The following RASSF8 variants were observed in gnomAD, a reference collection of about 807,000 sequenced individuals.
RASSF8 encodes the protein ras association domain-containing protein 8.
In RASSF8, 22 loss-of-function variants were observed where a neutral mutation model predicts 48.5. The ratio of observed to expected loss-of-function variants is 0.45; its 90% CI spans 0.32 to 0.65. The LOEUF is 0.65. Among genes scored for constraint, RASSF8 ranks in the 30% least tolerant of loss-of-function variants. RASSF8 has a pLI of 0.03. For missense variants in RASSF8, 418 were observed against 489.2 expected (o/e 0.85, Z 1.37); for synonymous variants, 127 against 171.5 (o/e 0.74, Z 2.03).
intron 1 of RASSF8, among the ~76,000 whole-genome samples, chr12:25,973,168 A>T (rs889099392): frequency 1.3e-5 from 2 of 152,016 alleles, no homozygotes; most frequent in African/African-American, 2.4e-5. Context: ...GTCTCCCCAG[A>T]ATAAGCAAAT....
chr12:25,967,715 G>C (rs549606213), intron 1 of RASSF8, among the ~76,000 whole-genome samples: 43 of 152,326 alleles, frequency 2.8e-4, no homozygotes, highest in Middle Eastern at 3.4e-3. Context: ...TACCTCAGTG[G>C]AGAGTTAGTG....
intron 2 of RASSF8, among the ~76,000 whole-genome samples, chr12:26,003,288 A>C (rs1312039449): frequency 5.9e-5 from 9 of 152,236 alleles, no homozygotes; most frequent in Admixed American, 2.6e-4. Flanking sequence ...CCATCCTTGC[A>C]TGCCTGATAT....
chr12:25,976,220 T>C lies in RASSF8; in HGVS notation c.-203+17072T>C, dbSNP rs74072279. On this transcript the variant is annotated intron_variant, in intron 1 of 5. Coordinates refer to ENST00000689635, the MANE Select transcript of RASSF8 (RefSeq NM_001394098.1). ...TAGGACTAAATTGAAAGGAAAACTG[T>C]AACCCTCCGCTTAAGGAACAAGAGG... is the stretch of plus-strand genomic sequence containing the variant. Among the ~76,000 whole-genome samples the C allele has an allele frequency of 5.6e-3, 851 of 152,268 alleles. 8 individuals are homozygous for C. Among genetic ancestry groups the C allele is most frequent in the African/African-American group, 0.02 (827 of 41,542 alleles).
intron 2 of RASSF8, among the ~76,000 whole-genome samples, chr12:26,001,356 G>A (rs2136982908): frequency 6.6e-6 from 1 of 151,840 alleles, no homozygotes; most frequent in South Asian, 2.1e-4. Flanking sequence ...TATCCACTGT[G>A]TTTTGCCTAT....
chr12:26,023,218 A>C (rs937262071), intron 2 of RASSF8, among the ~76,000 whole-genome samples: 34 of 152,194 alleles, frequency 2.2e-4, no homozygotes, highest in Non-Finnish European at 5.9e-5. Context: ...ACAAGGAGAG[A>C]GGGAAGAAAA....
intron 2 of RASSF8, among the ~76,000 whole-genome samples, chr12:26,043,844 G>A (rs776504464): frequency 3.3e-5 from 5 of 152,098 alleles, no homozygotes; most frequent in South Asian, 2.1e-4. Flanking sequence ...GATGCAGTCC[G>A]TTTATAGAGT....
chr12:25,961,885 C>T (rs1204707393), intron 1 of RASSF8, among the ~76,000 whole-genome samples: 2 of 152,062 alleles, frequency 1.3e-5, no homozygotes, highest in Non-Finnish European at 2.9e-5. Flanking sequence ...ATCATAAAGT[C>T]CTGCTGTCCA....
At chr12:25,959,248 T>G (rs2136799329) in intron 1 of RASSF8, 100 bp downstream of exon 1, 1 of 152,394 alleles carries the variant, frequency 6.6e-6, no homozygotes, top group African/African-American at 2.4e-5. Flanking sequence ...CGGTTGCCCC[T>G]CTCTCCGCAC....
chr12:25,990,102 A>G (rs181772569), intron 1 of RASSF8, among the ~76,000 whole-genome samples: 3 of 152,306 alleles, frequency 2.0e-5, no homozygotes, highest in Non-Finnish European at 2.9e-5. Context: ...AAGCAAGGAA[A>G]TGCATCCTGA....
At chr12:26,066,831 T>C (rs946405264) in intron 4 of RASSF8, among the ~76,000 whole-genome samples, 2 of 152,154 alleles carry the variant, frequency 1.3e-5, no homozygotes, top group African/African-American at 4.8e-5. Flanking sequence ...TTATATACAG[T>C]AGAGGAAAGA....
At chr12:26,041,305 T>C (rs1038575994) in intron 2 of RASSF8, among the ~76,000 whole-genome samples, 6 of 152,224 alleles carry the variant, frequency 3.9e-5, no homozygotes, top group South Asian at 2.1e-4. Context: ...TGTTTTAATA[T>C]ATACAGCTTT....
At chr12:25,982,822 C>T (rs751537378) in intron 1 of RASSF8, among the ~76,000 whole-genome samples, 15 of 152,244 alleles carry the variant, frequency 9.9e-5, no homozygotes, top group East Asian at 1.9e-4. Flanking sequence ...CCTCCCAGTC[C>T]GCAGAAAATC....
At chr12:26,031,183 C>A (rs1349074222) in intron 2 of RASSF8, among the ~76,000 whole-genome samples, 2 of 152,060 alleles carry the variant, frequency 1.3e-5, no homozygotes, top group Non-Finnish European at 2.9e-5. Context: ...ACTCCCCCTG[C>A]CCCATTTTTT....
At chr12:26,015,032 C>CCCCG (rs923209255) in intron 2 of RASSF8, among the ~76,000 whole-genome samples, 3 of 149,740 alleles carry the variant, frequency 2.0e-5, no homozygotes, top group Non-Finnish European at 4.5e-5. Context: ...ATAGTGAGAC[C>CCCCG]CCGTCTGTCC....
intron 2 of RASSF8, among the ~76,000 whole-genome samples, chr12:26,034,805 G>A (rs769512568): frequency 1.3e-5 from 2 of 151,886 alleles, no homozygotes; most frequent in Non-Finnish European, 2.9e-5. Flanking sequence ...CATGTAATGT[G>A]CCTATTAAAA....
At chr12:25,991,508 G>T (rs923905846) in intron 1 of RASSF8, among the ~76,000 whole-genome samples, 4 of 151,852 alleles carry the variant, frequency 2.6e-5, no homozygotes, top group African/African-American at 9.7e-5. Flanking sequence ...TCTTTAATAA[G>T]GTTGCAACCT....
At chr12:26,008,780 T>C (rs915592566) in intron 2 of RASSF8, among the ~76,000 whole-genome samples, 1 of 152,204 alleles carries the variant, frequency 6.6e-6, no homozygotes, top group Non-Finnish European at 1.5e-5. Context: ...AATTTTCTTT[T>C]TTACTTGGAA....
intron 4 of RASSF8, among the ~76,000 whole-genome samples, chr12:26,066,954 A>G (rs558444265): frequency 1.3e-5 from 2 of 152,372 alleles, no homozygotes; most frequent in Admixed American, 6.5e-5. Flanking sequence ...GATCTTTGTC[A>G]AGGATTTAGG....
intron 2 of RASSF8, among the ~76,000 whole-genome samples, chr12:26,033,238 A>G (rs1943065254): frequency 6.6e-6 from 1 of 152,206 alleles, no homozygotes; most frequent in Non-Finnish European, 1.5e-5. Flanking sequence ...CTCTCAGGCC[A>G]TTTCAAGGTA....
Sources: allele counts gnomAD v4.1 joint callset (sites outside exome capture counted in the v4.1 genomes callset), GRCh38; gene constraint gnomAD v4.1.1; transcripts MANE v1.5; gene names NCBI Gene and HGNC (gene_info 2026-07-23, HGNC 2026-07-21).